Variants in ZNF804B observed in about 807,000 individuals in gnomAD.
ZNF804B encodes zinc finger protein 804B.
In ZNF804B, 80 loss-of-function variants were observed where a neutral mutation model predicts 101.4. The observed-to-expected ratio is 0.79, with a 90% CI of 0.66 to 0.95. The LOEUF is 0.95. ZNF804B is among the 40% of genes least tolerant of loss of function. The pLI is 0.00. For synonymous variants in ZNF804B, 622 were observed against 558.8 expected, an observed-to-expected ratio of 1.11 and a Z score of -1.59; for missense variants, 1,673 against 1,561.9, an observed-to-expected ratio of 1.07 and a Z score of -1.20.
At chr7:89,139,219 T>G (rs1304976838) in intron 1 of ZNF804B, among the ~76,000 whole-genome samples, 1 of 152,186 alleles carries the variant, frequency 6.6e-6, no homozygotes, top group Non-Finnish European at 1.5e-5. Flanking sequence ...AAATATCTTT[T>G]GAATACTTTA....
intron 1 of ZNF804B, among the ~76,000 whole-genome samples, chr7:89,192,647 A>G (rs1341823001): frequency 1.3e-5 from 2 of 152,020 alleles, no homozygotes; most frequent in African/African-American, 2.4e-5. Context: ...TACCCAATTC[A>G]TTCTATGAGG....
intron 1 of ZNF804B, among the ~76,000 whole-genome samples, chr7:88,967,248 C>T (rs1793469047): frequency 6.8e-6 from 1 of 146,702 alleles, no homozygotes; most frequent in South Asian, 2.2e-4. Context: ...TGGGGGACCT[C>T]AGGAGACTTT....
intron 1 of ZNF804B, among the ~76,000 whole-genome samples, chr7:88,776,403 A>G (rs2115646656): frequency 6.6e-6 from 1 of 152,282 alleles, no homozygotes; most frequent in South Asian, 2.1e-4. Context: ...AGGGCCAGTT[A>G]GCATCATGTT....
At chr7:88,815,994 A>T (rs1441966661) in intron 1 of ZNF804B, among the ~76,000 whole-genome samples, 1 of 152,046 alleles carries the variant, frequency 6.6e-6, no homozygotes, top group Admixed American at 6.6e-5. Flanking sequence ...TTGCTGTTGA[A>T]TGCTCTTGCT....
intron 2 of ZNF804B, among the ~76,000 whole-genome samples, chr7:89,287,175 T>C (rs906139600): frequency 6.6e-6 from 1 of 152,208 alleles, no homozygotes; most frequent in African/African-American, 2.4e-5. Context: ...TAATGAATGT[T>C]TATATTATTT....
intron 1 of ZNF804B, among the ~76,000 whole-genome samples, chr7:89,177,444 G>T (rs890486809): frequency 2.6e-5 from 4 of 152,056 alleles, no homozygotes; most frequent in African/African-American, 9.7e-5. Flanking sequence ...TCTTGTTACT[G>T]ATTTGTAGTT....
chr7:89,175,613 A>G (rs997978359), intron 1 of ZNF804B, among the ~76,000 whole-genome samples: 1 of 151,972 alleles, frequency 6.6e-6, no homozygotes, highest in African/African-American at 2.4e-5. Flanking sequence ...GAAGAAGTTC[A>G]TTGGTATTTT....
At chr7:89,154,092 C>G (rs1487608819) in intron 1 of ZNF804B, among the ~76,000 whole-genome samples, 2 of 152,034 alleles carry the variant, frequency 1.3e-5, no homozygotes, top group African/African-American at 4.8e-5. Context: ...GGATATTTCT[C>G]AAAAGAAGAC....
intron 1 of ZNF804B, among the ~76,000 whole-genome samples, chr7:88,921,543 G>A (rs1026831643): frequency 2.6e-5 from 4 of 152,050 alleles, no homozygotes; most frequent in Non-Finnish European, 5.9e-5. Context: ...CAAATGTATA[G>A]ACCCTAGATT....
intron 1 of ZNF804B, among the ~76,000 whole-genome samples, chr7:88,944,701 G>T (rs1252904941): frequency 6.6e-6 from 1 of 151,638 alleles, no homozygotes; most frequent in Non-Finnish European, 1.5e-5. Flanking sequence ...ATATACAAAA[G>T]GATGTGTATT....
At chr7:88,846,382 A>G (rs533348379) in intron 1 of ZNF804B, among the ~76,000 whole-genome samples, 19 of 152,330 alleles carry the variant, frequency 1.2e-4, no homozygotes, top group Non-Finnish European at 2.5e-4. Context: ...AGCTTTCTGG[A>G]AGTTTATAGA....
intron 2 of ZNF804B, among the ~76,000 whole-genome samples, chr7:89,265,307 C>CGCGCGTGCGT (rs1789776237): frequency 2.0e-5 from 3 of 151,106 alleles, no homozygotes; most frequent in Admixed American, 1.3e-4. Flanking sequence ...CGTGCGCGCG[C>CGCGCGTGCGT]GCACACATGC....
intron 2 of ZNF804B, among the ~76,000 whole-genome samples, chr7:89,324,644 T>C (rs1584125640): frequency 6.9e-6 from 1 of 144,802 alleles, no homozygotes; most frequent in Non-Finnish European, 1.5e-5. Flanking sequence ...TTGCACTGAG[T>C]ACATTTAATG....
In ZNF804B at chr7:89,335,805, A is replaced by G. The variant is rs767661840; in HGVS notation, c.2823A>G (p.Ser941=). 1.4e-5 allele frequency: 23 copies of G among 1,613,954 alleles called. No homozygotes were observed. The Middle Eastern group carries it at 6.6e-4, about 46-fold the overall frequency. ...RVQAKKCQEQ[S]SNVEISSNSC... ...AAGCCAAGAAATGTCAAGAACAATC[A>G]AGTAATGTTGAGATCTCTTCAAACA... Residue 941 remains serine, a synonymous_variant, in exon 4 of 4, where the codon TCA becomes TCG. Transcript: ENST00000333190.
chr7:88,988,716 C>T (rs1195590701), intron 1 of ZNF804B, among the ~76,000 whole-genome samples: 2 of 152,056 alleles, frequency 1.3e-5, no homozygotes, highest in African/African-American at 4.8e-5. Context: ...ATTTTTAAAA[C>T]TGCAGAAGAG....
At chr7:89,263,590 C>CTTTTT (rs11333304) in intron 2 of ZNF804B, among the ~76,000 whole-genome samples, 1 of 146,480 alleles carries the variant, frequency 6.8e-6, no homozygotes, top group Admixed American at 6.8e-5. Flanking sequence ...TGAATGTGAC[C>CTTTTT]TTTTTTTTTT....
intron 1 of ZNF804B, among the ~76,000 whole-genome samples, chr7:89,074,547 T>C (rs1170035142): frequency 6.6e-6 from 1 of 152,214 alleles, no homozygotes; most frequent in African/African-American, 2.4e-5. Flanking sequence ...TCCACCACAA[T>C]TGTGAGGCCT....
intron 1 of ZNF804B, among the ~76,000 whole-genome samples, chr7:89,119,398 A>C (rs1202896342): frequency 2.0e-5 from 3 of 152,172 alleles, no homozygotes; most frequent in Admixed American, 1.3e-4. Flanking sequence ...TCTTATCTCT[A>C]TTTGGCCAGT....
At chr7:89,198,646 GAGT>G (rs1788588811) in intron 1 of ZNF804B, among the ~76,000 whole-genome samples, 1 of 151,838 alleles carries the variant, frequency 6.6e-6, no homozygotes. Context: ...GTTCATCTTT[GAGT>G]AGATTTATCT....
Sources: gnomAD v4.1 joint callset for allele counts (sites outside exome capture counted in the v4.1 genomes callset) on GRCh38, gnomAD v4.1.1 for gene constraint, MANE v1.5 for transcripts, NCBI Gene and HGNC (gene_info 2026-07-23, HGNC 2026-07-21) for gene names.